NUTM2B: variants seen among roughly 807,000 people sequenced by gnomAD.
The protein encoded by NUTM2B is NUT family member 2B, also known as family with sequence similarity 22, member B.
A neutral mutation model predicts 42.4 loss-of-function variants in NUTM2B; 2 were observed. The observed-to-expected ratio is 0.05, with a 90% CI of 0.02 to 0.15. The LOEUF is 0.15. NUTM2B is among the 10% of genes least tolerant of loss of function. NUTM2B has a pLI of 1.00. For missense variants in NUTM2B, 58 were observed against 952.6 expected, an observed-to-expected ratio of 0.06 and a Z score of 12.36; for synonymous variants, 18 against 402.4, an observed-to-expected ratio of 0.04 and a Z score of 11.43.
chr10:79,700,291 C>T (rs1468684815), upstream of NUTM2B, among the ~76,000 whole-genome samples: 1 of 152,018 alleles, frequency 6.6e-6, no homozygotes, highest in African/African-American at 2.4e-5. Context: ...GAGAACTTCA[C>T]TGTTTTACGG....
At chr10:79,692,983 G>T in the NUTM2B span, among the ~76,000 whole-genome samples, 18 of 152,274 alleles carry the variant, frequency 1.2e-4, no homozygotes, top group African/African-American at 4.3e-4. Context: ...AATGGGTCTG[G>T]GCAAGGAAGG....
chr10:79,701,329 A>T (rs1840310733), upstream of NUTM2B, among the ~76,000 whole-genome samples: 1 of 152,076 alleles, frequency 6.6e-6, no homozygotes, highest in African/African-American at 2.4e-5. Flanking sequence ...TTCAGTCGAT[A>T]AAGCAGCAGA....
At chr10:79,699,103 T>C (rs144266306), upstream of NUTM2B, among the ~76,000 whole-genome samples, 194 of 151,604 alleles carry the variant, frequency 1.3e-3, no homozygotes, top group Non-Finnish European at 2.2e-3. Context: ...CTGAAAATAA[T>C]GAAAAGAAGC....
chr10:79,696,052 A>C, the NUTM2B span, among the ~76,000 whole-genome samples: 1 of 147,206 alleles, frequency 6.8e-6, no homozygotes, highest in Non-Finnish European at 1.5e-5. Flanking sequence ...ATTCTGCATC[A>C]CTACAATACA....
upstream of NUTM2B, among the ~76,000 whole-genome samples, chr10:79,699,627 G>C (rs71503868): frequency 1.3e-5 from 2 of 152,218 alleles, no homozygotes; most frequent in East Asian, 1.9e-4. Flanking sequence ...ATTTTTAGTA[G>C]AGACGGGGTT....
chr10:79,700,076 C>T (rs1840284794), upstream of NUTM2B, among the ~76,000 whole-genome samples: 1 of 152,184 alleles, frequency 6.6e-6, no homozygotes, highest in Non-Finnish European at 1.5e-5. Context: ...AAGCGATTGT[C>T]ATGGAAGCTT....
the NUTM2B span, among the ~76,000 whole-genome samples, chr10:79,696,745 A>T: frequency 1.3e-5 from 2 of 152,258 alleles, no homozygotes; most frequent in African/African-American, 4.8e-5. Context: ...TTAAGATGTT[A>T]ATGATTCACC....
At chr10:79,700,670 C>G (rs1032029019), upstream of NUTM2B, among the ~76,000 whole-genome samples, 1 of 152,168 alleles carries the variant, frequency 6.6e-6, no homozygotes, top group Admixed American at 6.5e-5. Flanking sequence ...AAGAAGGACG[C>G]CATGAGAGCG....
chr10:79,699,153 CT>C, upstream of NUTM2B, among the ~76,000 whole-genome samples: 1 of 152,026 alleles, frequency 6.6e-6, no homozygotes, highest in South Asian at 2.1e-4. Flanking sequence ...TACAAATGGT[CT>C]TCCTACATTT....
intron 2 of NUTM2B, among the ~76,000 whole-genome samples, chr10:79,707,034 G>A (rs1716863732): frequency 8.4e-6 from 1 of 119,102 alleles, no homozygotes; most frequent in African/African-American, 3.6e-5. Flanking sequence ...GGTTCCTGGT[G>A]TGACGTGAGC....
At chr10:79,699,524 A>G (rs71475327), upstream of NUTM2B, among the ~76,000 whole-genome samples, 3 of 134,386 alleles carry the variant, frequency 2.2e-5, no homozygotes, top group African/African-American at 8.6e-5. Context: ...CTCATTGCAA[A>G]CTCCGCCTCT....
chr10:79,709,469 G>A (rs1169189859), intron 3 of NUTM2B, among the ~76,000 whole-genome samples: 1 of 130,656 alleles, frequency 7.7e-6, no homozygotes, highest in Non-Finnish European at 1.6e-5. Context: ...CCTGCATCTG[G>A]GCATCATCCC....
At chr10:79,693,538 G>A in the NUTM2B span, among the ~76,000 whole-genome samples, 1,897 of 152,264 alleles carry the variant, frequency 0.012, 17 homozygotes, top group Non-Finnish European at 0.018. Context: ...GGCTCAGGCC[G>A]ACCTCAGCGA....
the NUTM2B span, among the ~76,000 whole-genome samples, chr10:79,695,392 G>A: frequency 1.3e-5 from 2 of 152,144 alleles, no homozygotes; most frequent in Non-Finnish European, 2.9e-5. Context: ...AAAATGTCAC[G>A]TGCCTTTGAT....
At chr10:79,699,070 A>G (rs1206034631), upstream of NUTM2B, among the ~76,000 whole-genome samples, 26 of 151,936 alleles carry the variant, frequency 1.7e-4, 1 homozygote, top group Admixed American at 1.7e-3. Flanking sequence ...GCCCTCACAC[A>G]TTGAAATAGC....
At chr10:79,698,340 A>G (rs1840260412), upstream of NUTM2B, among the ~76,000 whole-genome samples, 1 of 152,004 alleles carries the variant, frequency 6.6e-6, no homozygotes, top group Non-Finnish European at 1.5e-5. Flanking sequence ...TCCTCACCTC[A>G]TCCCCTAAAC....
chr10:79,700,892 G>C (rs1840303625), upstream of NUTM2B, among the ~76,000 whole-genome samples: 1 of 152,302 alleles, frequency 6.6e-6, no homozygotes, highest in Non-Finnish European at 1.5e-5. Context: ...CGGCACCTGG[G>C]TGCTTCCTGG....
At chr10:79,694,781 G>C in the NUTM2B span, among the ~76,000 whole-genome samples, 1 of 152,182 alleles carries the variant, frequency 6.6e-6, no homozygotes, top group African/African-American at 2.4e-5. Context: ...TCCAGGAGAT[G>C]CGAGTGGGAG....
upstream of NUTM2B, among the ~76,000 whole-genome samples, chr10:79,701,578 T>G (rs3881475): frequency 6.0e-5 from 9 of 150,042 alleles, no homozygotes; most frequent in Non-Finnish European, 1.2e-4. Flanking sequence ...AAGTGCAGAG[T>G]CTGAGAGCTC....
Sources: allele counts gnomAD v4.1 joint callset (sites outside exome capture counted in the v4.1 genomes callset), GRCh38; gene constraint gnomAD v4.1.1; transcripts MANE v1.5; gene names NCBI Gene and HGNC (gene_info 2026-07-23, HGNC 2026-07-21).